AMBN: variants seen among roughly 807,000 people sequenced by gnomAD.
AMBN encodes the protein enamel matrix protein.
AMBN carries 54 observed loss-of-function variants against 48.0 expected under a neutral mutation model. The ratio of observed to expected loss-of-function variants is 1.12; its 90% CI spans 0.90 to 1.41. The LOEUF (loss-of-function observed/expected upper bound fraction) is 1.41. Ranked by LOEUF, AMBN falls within the 40% of genes most tolerant of loss-of-function variation. The pLI, the probability that AMBN is intolerant of heterozygous loss-of-function variation, is 0.00. For missense variants in AMBN, 571 were observed against 547.3 expected (o/e 1.04, Z -0.43); for synonymous variants, 186 against 190.0 (o/e 0.98, Z 0.17).
chr4:70,592,632 T>C (rs1577952749), intron 1 of AMBN, among the ~76,000 whole-genome samples: 1 of 152,140 alleles, frequency 6.6e-6, no homozygotes, highest in African/African-American at 2.4e-5. Flanking sequence ...TATTAGAAGA[T>C]GAGTAAATTT....
intron 12 of AMBN, among the ~76,000 whole-genome samples, chr4:70,605,955 C>T (rs1485082423): frequency 1.4e-5 from 2 of 146,406 alleles, no homozygotes; most frequent in African/African-American, 2.6e-5. Context: ...CCTGTTATCT[C>T]CCTTTTACGG....
intron 12 of AMBN, among the ~76,000 whole-genome samples, chr4:70,605,670 C>A (rs1328484962): frequency 4.6e-5 from 7 of 152,006 alleles, no homozygotes; most frequent in Non-Finnish European, 8.8e-5. Context: ...CCCCTGTGAT[C>A]CCAGCTACTA....
chr4:70,595,819 G>C (rs1202046651), intron 2 of AMBN, among the ~76,000 whole-genome samples: 2 of 151,868 alleles, frequency 1.3e-5, no homozygotes, highest in African/African-American at 4.8e-5. Flanking sequence ...AAGTAATAAG[G>C]ATTGGTTTCA....
intron 11 of AMBN, 30 bp downstream of exon 11, chr4:70,603,490 T>C: frequency 1.3e-6 from 2 of 1,592,968 alleles, no homozygotes; most frequent in Admixed American, 1.7e-5. Flanking sequence ...AAAGTATTGT[T>C]TTTAATTAAA....
intron 2 of AMBN, among the ~76,000 whole-genome samples, chr4:70,594,658 T>C (rs903113041): frequency 6.6e-6 from 1 of 152,208 alleles, no homozygotes; most frequent in African/African-American, 2.4e-5. Context: ...CTCTGTTCCA[T>C]CACGCAAGAT....
rs907670611 is a variant in AMBN at position 70,606,190 on chromosome 4, G to A, written c.804G>A (p.Gly268=). ...GIMSSEEVAG[G]REDPMAYGAM... Reference sequence around the variant, plus strand: ...ACGAATGTTTTTTTTTCCAGGGCGGGAGAGAAGACCCAATGGCCTATGGAG... The same window carrying A: ...ACGAATGTTTTTTTTTCCAGGGCGGAAGAGAAGACCCAATGGCCTATGGAG... Residue 268 remains glycine (G), a synonymous_variant, in exon 13 of 13, where the codon GGG becomes GGA. Coordinates refer to ENST00000322937, the MANE Select transcript of AMBN (RefSeq NM_016519.6). 1.2e-6 allele frequency: 2 copies of A among 1,613,468 alleles called. No individual in the cohort carries two copies. The highest frequency in any genetic ancestry group is 1.3e-5 in the African/African-American group (1 of 74,890).
In AMBN at chr4:70,599,365, C is replaced by T. The variant is rs376770243; in HGVS notation, c.184-171C>T. On this transcript the variant is annotated intron_variant, in intron 4 of 12. Transcript: ENST00000322937. ...CTGAGGCATGAGAATCGCTTGAACC[C>T]GGGAGGTGGAGGATGCAGTGAGCTG... Among the ~76,000 whole-genome samples, 16 of 151,626 alleles carry T rather than the reference C, an allele frequency of 1.1e-4. No homozygotes were observed. In the East Asian group the frequency reaches 2.0e-3, roughly 18 times the overall value.
chr4:70,598,607 G>C (rs575681057), intron 4 of AMBN, among the ~76,000 whole-genome samples: 1 of 152,106 alleles, frequency 6.6e-6, no homozygotes, highest in Non-Finnish European at 1.5e-5. Context: ...GTTAAGAAAA[G>C]AATCTTTTCC....
intron 3 of AMBN, among the ~76,000 whole-genome samples, chr4:70,597,671 C>G (rs1737417233): frequency 6.6e-6 from 1 of 152,026 alleles, no homozygotes; most frequent in South Asian, 2.1e-4. Context: ...TGTGAAATTT[C>G]CATGTGTCAT....
intron 2 of AMBN, among the ~76,000 whole-genome samples, chr4:70,596,610 A>G (rs539727196): frequency 9.9e-5 from 15 of 152,212 alleles, no homozygotes; most frequent in Admixed American, 2.6e-4. Flanking sequence ...AGCACATGAA[A>G]ATTCAGCTTG....
chr4:70,593,468 T>C (rs1737320148), intron 2 of AMBN, 73 bp downstream of exon 2: 5 of 1,296,076 alleles, frequency 3.9e-6, no homozygotes, highest in Non-Finnish European at 3.3e-6. Context: ...TGAAGGGATA[T>C]GGACTGAGAG....
intron 8 of AMBN, 49 bp from the exon 9 acceptor site, chr4:70,602,923 A>G (rs1175524930): frequency 1.3e-6 from 2 of 1,540,436 alleles, no homozygotes; most frequent in African/African-American, 2.8e-5. Context: ...GCATTTATCT[A>G]TTTTGTTCCT....
intron 1 of AMBN, 62 bp from the exon 2 acceptor site, chr4:70,593,265 T>C: frequency 4.3e-6 from 6 of 1,382,828 alleles, no homozygotes; most frequent in Non-Finnish European, 6.1e-6. Context: ...TCAAAAATTG[T>C]CTTTTAACCA....
chr4:70,604,450 T>C (rs569636529), intron 12 of AMBN, among the ~76,000 whole-genome samples: 2 of 152,308 alleles, frequency 1.3e-5, no homozygotes, highest in East Asian at 3.9e-4. Flanking sequence ...GTTTAAGATT[T>C]GAGATCAATA....
intron 12 of AMBN, 125 bp from the exon 13 acceptor site, chr4:70,606,060 A>G: frequency 3.6e-6 from 4 of 1,107,650 alleles, no homozygotes; most frequent in Admixed American, 2.8e-5. Flanking sequence ...AAAGCTATCA[A>G]TCAGCCAACT....
At chr4:70,596,917 C>T in intron 2 of AMBN, 82 bp from the exon 3 acceptor site, 1 of 1,256,694 alleles carries the variant, frequency 8.0e-7, no homozygotes, top group Non-Finnish European at 1.1e-6. Context: ...CCCGTATGTA[C>T]TGGAGCAATA....
chr4:70,593,363 C>CT lies in AMBN; in HGVS notation c.53dup (p.Cys19MetfsTer23). ...CAAAATGAAGGACCTGATACTGATC[C>CT]TATGCCTCCTGGAAATGAGTTTTGC... On this transcript the variant is annotated frameshift_variant, in exon 2 of 13. Transcript: ENST00000322937. LOFTEE classifies it high-confidence loss of function. The CT allele has an allele frequency of 6.2e-7, 1 of 1,612,504 alleles. No individual in the cohort carries two copies. Among genetic ancestry groups the CT allele is most frequent in the Admixed American group, 1.7e-5 (1 of 59,928 alleles).
intron 4 of AMBN, among the ~76,000 whole-genome samples, chr4:70,599,066 C>A (rs115835101): frequency 6.6e-6 from 1 of 151,302 alleles, no homozygotes; most frequent in Non-Finnish European, 1.5e-5. Context: ...TGAGCCACCA[C>A]GTCCAGCCAT....
chr4:70,598,384 G>A lies in AMBN; in HGVS notation c.164G>A (p.Arg55Lys), dbSNP rs776661614. 3 of 1,588,020 alleles carry A rather than the reference G, an allele frequency of 1.9e-6. No homozygotes were observed. Among genetic ancestry groups the A allele is most frequent in the Admixed American group, 1.8e-5 (1 of 56,670 alleles). ...ATGAGACAGTTGGGAAGTCTGCAGA[G>A]ATTAAACACACTTTCTCAGGTAATC... is the stretch of plus-strand genomic sequence containing the variant. ...ETMRQLGSLQRLNTLSQYSRY... is the reference protein window; with the variant it reads ...ETMRQLGSLQKLNTLSQYSRY... Residue 55 changes from arginine (R) to lysine (K), a missense_variant, in exon 4 of 13, where the codon AGA becomes AAA. Physicochemically the swap from Arg to Lys is conservative, Grantham distance 26. Transcript: ENST00000322937.
Sources: gnomAD v4.1 joint callset for allele counts (sites outside exome capture counted in the v4.1 genomes callset) on GRCh38, gnomAD v4.1.1 for gene constraint, MANE v1.5 for transcripts, NCBI Gene and HGNC (gene_info 2026-07-23, HGNC 2026-07-21) for gene names.